TJP2: variants seen among roughly 807,000 people sequenced by gnomAD.
TJP2 encodes the protein Friedreich ataxia region gene X104 (tight junction protein ZO-2).
TJP2 carries 91 observed loss-of-function variants against 133.1 expected under a neutral mutation model. That is an observed-to-expected ratio of 0.68 (90% CI 0.58 to 0.81). The LOEUF is 0.81. Ranked by LOEUF, TJP2 falls within the 40% of genes least tolerant of loss-of-function variation. The pLI, the probability that TJP2 is intolerant of heterozygous loss-of-function variation, is 0.00. For missense variants in TJP2, 1,541 were observed against 1,565.6 expected (o/e 0.98, Z 0.26); for synonymous variants, 592 against 583.4 (o/e 1.01, Z -0.21).
At chr9:69,203,194 CATGGGCTGAA>C (rs66989436) in intron 1 of TJP2, among the ~76,000 whole-genome samples, 63,774 of 151,808 alleles carry the variant, frequency 0.42, 13,708 homozygotes, top group East Asian at 0.63. Context: ...TGAGCCAGCC[CATGGGCTGAA>C]CCTGGCTGGT....
chr9:69,144,592 CAA>C (rs1408386556), intron 1 of TJP2, among the ~76,000 whole-genome samples: 1 of 152,192 alleles, frequency 6.6e-6, no homozygotes, highest in Non-Finnish European at 1.5e-5. Context: ...TTAAATTTCA[CAA>C]AAGTCAATTT....
intron 22 of TJP2, 44 bp from the exon 23 acceptor site, chr9:69,254,165 C>T: frequency 6.2e-7 from 1 of 1,612,494 alleles, no homozygotes; most frequent in Non-Finnish European, 8.5e-7. Context: ...AGCCGGAGGA[C>T]ATGGATGTGC....
At chr9:69,212,822 T>G (rs1828024432) in intron 2 of TJP2, among the ~76,000 whole-genome samples, 1 of 152,184 alleles carries the variant, frequency 6.6e-6, no homozygotes, top group Non-Finnish European at 1.5e-5. Flanking sequence ...TTTTAGAGGT[T>G]ATTTAGTGTA....
chr9:69,206,528 G>A (rs1189228172), intron 1 of TJP2, among the ~76,000 whole-genome samples: 1 of 151,538 alleles, frequency 6.6e-6, no homozygotes, highest in Non-Finnish European at 1.5e-5. Context: ...ATTCATTTTG[G>A]TGTTCACCCA....
chr9:69,186,655 T>A (rs1825878841), intron 1 of TJP2, among the ~76,000 whole-genome samples: 1 of 152,282 alleles, frequency 6.6e-6, no homozygotes, highest in South Asian at 2.1e-4. Context: ...GGCATTGACC[T>A]AATTCACTCC....
At chr9:69,203,161 G>A (rs1827123118) in intron 1 of TJP2, among the ~76,000 whole-genome samples, 1 of 151,134 alleles carries the variant, frequency 6.6e-6, no homozygotes, top group African/African-American at 2.4e-5. Flanking sequence ...TGGGTTCTCA[G>A]GCTCCTCTGC....
intron 1 of TJP2, among the ~76,000 whole-genome samples, chr9:69,208,102 T>C (rs752360049): frequency 5.3e-5 from 8 of 152,176 alleles, no homozygotes; most frequent in East Asian, 1.9e-4. Flanking sequence ...AGTGAAGAGT[T>C]TTCTGTGAGA....
chr9:69,213,054 CATTTT>C (rs1828052298), intron 2 of TJP2, among the ~76,000 whole-genome samples: 1 of 130,344 alleles, frequency 7.7e-6, no homozygotes, highest in Non-Finnish European at 1.6e-5. Flanking sequence ...CGTGGTTCTG[CATTTT>C]TTTTTTTTTT....
Position 69,226,075 on chromosome 9 carries a change from AGAAAAGTCAAGAG to A in TJP2, c.1116_1128del (p.Lys372AsnfsTer4). On this transcript the variant is annotated frameshift_variant, in exon 7 of 23. Transcript: ENST00000377245. LOFTEE classifies it high-confidence loss of function. ...CTTTAACGGATGCTCGAAAATTGAT[AGAAAAGTCAAGAG>A]GAAAACTACAGCTAGTGGTGTTGAG... The A allele has an allele frequency of 6.2e-7, 1 of 1,614,202 alleles. No homozygotes were observed. Among genetic ancestry groups the A allele is most frequent in the Non-Finnish European group, 8.5e-7 (1 of 1,180,016 alleles).
chr9:69,206,623 G>T (rs1256892822), intron 1 of TJP2, among the ~76,000 whole-genome samples: 1 of 151,070 alleles, frequency 6.6e-6, no homozygotes, highest in African/African-American at 2.4e-5. Context: ...TGTTGCCCAG[G>T]CTGGAGTGCA....
intron 17 of TJP2, among the ~76,000 whole-genome samples, chr9:69,243,004 CAG>C (rs1190191790): frequency 6.6e-6 from 1 of 152,144 alleles, no homozygotes; most frequent in Non-Finnish European, 1.5e-5. Context: ...GCTGGGACTA[CAG>C]GCACACACCA....
At chr9:69,164,242 A>G (rs1032963574) in intron 2 of TJP2, among the ~76,000 whole-genome samples, 3 of 152,124 alleles carry the variant, frequency 2.0e-5, no homozygotes, top group Non-Finnish European at 4.4e-5. Flanking sequence ...TTGTGAATCT[A>G]AGATACTCTT....
intron 11 of TJP2, among the ~76,000 whole-genome samples, chr9:69,231,622 G>A (rs1248700115): frequency 6.6e-6 from 1 of 151,448 alleles, no homozygotes; most frequent in Non-Finnish European, 1.5e-5. Flanking sequence ...TTCCTTCTTG[G>A]CCCCGTTGCA....
intron 16 of TJP2, among the ~76,000 whole-genome samples, chr9:69,239,017 G>T (rs1314475431): frequency 1.3e-5 from 2 of 151,582 alleles, no homozygotes; most frequent in African/African-American, 4.8e-5. Flanking sequence ...GTGAAACCCT[G>T]TCTCTACTAA....
intron 1 of TJP2, among the ~76,000 whole-genome samples, chr9:69,192,547 G>T (rs574753967): frequency 6.6e-6 from 1 of 152,256 alleles, no homozygotes; most frequent in Non-Finnish European, 1.5e-5. Flanking sequence ...TTCTTGCTTG[G>T]ATTTTCTTTC....
chr9:69,136,061 C>CT (rs1445302455), intron 1 of TJP2, among the ~76,000 whole-genome samples: 1 of 152,094 alleles, frequency 6.6e-6, no homozygotes, highest in Non-Finnish European at 1.5e-5. Flanking sequence ...TAGGCTATCT[C>CT]AGAATGCTCA....
intron 1 of TJP2, among the ~76,000 whole-genome samples, chr9:69,208,939 G>A (rs1827642226): frequency 6.6e-6 from 1 of 151,952 alleles, no homozygotes. Flanking sequence ...CAGCTTTAAG[G>A]TACAAGAAGG....
At chr9:69,233,410 TATC>T (rs1200058454) in intron 11 of TJP2, among the ~76,000 whole-genome samples, 6 of 152,252 alleles carry the variant, frequency 3.9e-5, no homozygotes, top group African/African-American at 1.2e-4. Flanking sequence ...ATTATTAACA[TATC>T]AGGTACTTTA....
chr9:69,205,367 A>G (rs1030102405), intron 1 of TJP2: 1 of 1,487,174 alleles, frequency 6.7e-7, no homozygotes, highest in Non-Finnish European at 8.9e-7. Context: ...TTCAGCAACA[A>G]ATTGTGAGAT....
Sources: allele counts gnomAD v4.1 joint callset (sites outside exome capture counted in the v4.1 genomes callset), GRCh38; gene constraint gnomAD v4.1.1; transcripts MANE v1.5; gene names NCBI Gene and HGNC (gene_info 2026-07-23, HGNC 2026-07-21).